Variants in ATP1A4 observed in about 807,000 individuals in gnomAD.
ATP1A4 encodes the protein ATPase Na+/K+ transporting subunit alpha 4, also known as sodium/potassium-transporting ATPase subunit alpha-4.
In ATP1A4, 90 loss-of-function variants were observed where a neutral mutation model predicts 114.3. The observed-to-expected ratio is 0.79, with a 90% CI of 0.66 to 0.94. The LOEUF (loss-of-function observed/expected upper bound fraction) is 0.94, where lower values mean the gene tolerates loss of function less well. Ranked by LOEUF, ATP1A4 falls within the 40% of genes least tolerant of loss-of-function variation. ATP1A4 has a pLI of 0.00. For missense variants in ATP1A4, 1,222 were observed against 1,313.6 expected, an observed-to-expected ratio of 0.93 and a Z score of 1.08; for synonymous variants, 511 against 494.1, an observed-to-expected ratio of 1.03 and a Z score of -0.45.
chr1:160,167,044 T>G lies in ATP1A4; in HGVS notation c.1323T>G (p.Phe441Leu), dbSNP rs374468591. The change falls in exon 9 of 22, where the codon TTT (phenylalanine) becomes TTG (leucine). Residue 441 changes from phenylalanine to leucine, a missense_variant. Transcript: ENST00000368081. ...CTGGCCTCTGCAACCGGGCTGACTT[T>G]AAGGCTAATCAGGAGATCCTGCCCA... ...RIAGLCNRAD[F>L]KANQEILPIA... The G allele has an allele frequency of 1.9e-6, 3 of 1,614,046 alleles. No individual in the cohort carries two copies. Among genetic ancestry groups the G allele is most frequent in the African/African-American group, 2.7e-5 (2 of 74,924 alleles).
At chr1:160,186,527 C>A in intron 21 of ATP1A4, 144 bp from the exon 22 acceptor site, 4 of 1,080,780 alleles carry the variant, frequency 3.7e-6, no homozygotes, top group Non-Finnish European at 5.5e-6. Context: ...CCCTTGGCTG[C>A]ACCCCTCTGC....
chr1:160,159,187 A>G (rs1652781717), intron 5 of ATP1A4, 51 bp downstream of exon 5: 1 of 1,591,554 alleles, frequency 6.3e-7, no homozygotes, highest in Admixed American at 1.7e-5. Context: ...ATCTCATGGC[A>G]GGGTAGACAC....
At chr1:160,174,010 G>A in intron 13 of ATP1A4, 101 bp from the exon 14 acceptor site, 1 of 1,408,852 alleles carries the variant, frequency 7.1e-7, no homozygotes, top group Non-Finnish European at 9.7e-7. Context: ...AGGAGACTAG[G>A]TTGAAAGAAG....
Position 160,151,834 on chromosome 1 carries a change from G to A in ATP1A4, c.-207G>A. 1.8e-6 allele frequency: 1 copy of A among 541,636 alleles called. No homozygotes were observed. The highest frequency in any genetic ancestry group is 3.2e-6 in the Non-Finnish European group (1 of 310,426). The allele number at this position is 541,636 out of a possible 1,614,324, so 33.6% of individuals were successfully genotyped here. A position where few individuals can be genotyped will look rare whatever the true frequency, so the allele number is the denominator to read the frequency against. On this transcript the variant is annotated 5_prime_UTR_variant, in exon 1 of 22. Transcript: ENST00000368081. ...CAGCGGACGGCTGGAGGACCGCTCA[G>A]TCTCTCCTCTCTCACTTCCCTTCCT...
In ATP1A4 at chr1:160,177,546, T is replaced by TTACC; in HGVS notation, c.2622_2625dup (p.Phe876LeufsTer7). 2 of 1,614,150 alleles carry TTACC rather than the reference T, an allele frequency of 1.2e-6. No homozygotes were observed. Among genetic ancestry groups the TTACC allele is most frequent in the Non-Finnish European group, 1.7e-6 (2 of 1,180,028 alleles). On this transcript the variant is annotated frameshift_variant, in exon 18 of 22. Coordinates refer to ENST00000368081, the MANE Select transcript of ATP1A4 (RefSeq NM_144699.4). LOFTEE classifies it high-confidence loss of function. Reference sequence around the variant, plus strand: ...ATGATCCAGGCTCTGGCTGGATTCTTTACCTACTTTGTAATCCTGGCTGAG... The same window carrying TTACC: ...ATGATCCAGGCTCTGGCTGGATTCTTTACCTACCTACTTTGTAATCCTGGCTGAG...
Position 160,156,078 on chromosome 1 carries a change from A to T in ATP1A4, c.445A>T (p.Ile149Phe). ...YLSIVLSVVVIVTGCFSYYQE... is the reference protein window; with the variant it reads ...YLSIVLSVVVFVTGCFSYYQE... ...GAGCATCGTACTGTCCGTCGTGGTCATCGTCACTGGCTGCTTCTCCTATTA... is the reference window on the plus strand; with the variant it reads ...GAGCATCGTACTGTCCGTCGTGGTCTTCGTCACTGGCTGCTTCTCCTATTA... The change falls in exon 4 of 22, where the codon ATC becomes TTC. Residue 149 changes from isoleucine (I) to phenylalanine (F), a missense_variant. By Grantham distance (21) the Ile-to-Phe change is conservative. Coordinates refer to ENST00000368081, the MANE Select transcript of ATP1A4 (RefSeq NM_144699.4). The T allele has an allele frequency of 6.2e-7, 1 of 1,614,012 alleles. No homozygotes were observed. Among genetic ancestry groups the T allele is most frequent in the Non-Finnish European group, 8.5e-7 (1 of 1,179,896 alleles).
chr1:160,176,141 C>T lies in ATP1A4; in HGVS notation c.2361C>T (p.Thr787=), dbSNP rs146078790. The T allele has an allele frequency of 1.2e-6, 2 of 1,613,982 alleles. No homozygotes were observed. The highest frequency in any genetic ancestry group is 2.7e-5 in the African/African-American group (2 of 74,878). ...AGAAATCCATCATGTACACCCTGAC[C>T]AGCAACATCCCCGAGATCACGCCCT... is the stretch of plus-strand genomic sequence containing the variant. ...NLKKSIMYTL[T]SNIPEITPFL... The change falls in exon 16 of 22, where the codon ACC becomes ACT. Residue 787 remains threonine, a synonymous_variant. Transcript: ENST00000368081.
At chr1:160,176,648 C>A (rs1186310454) in intron 17 of ATP1A4, 46 bp downstream of exon 17, 1 of 1,597,706 alleles carries the variant, frequency 6.3e-7, no homozygotes, top group Admixed American at 1.7e-5. Flanking sequence ...GAGTGGTTTC[C>A]CCTGCCTGGC....
rs753056674 is a variant in ATP1A4 at position 160,152,279 on chromosome 1, G to A, written c.147+92G>A. 2.2e-4 allele frequency: 310 copies of A among 1,398,796 alleles called. No homozygotes were observed. The Middle Eastern group carries it at 2.3e-3, about 10-fold the overall frequency. The allele number at this position is 1,398,796 out of a possible 1,614,324, so 86.6% of individuals were successfully genotyped here. ...TCTTACCTTGAGAATGAAACACACA[G>A]GCCAGAGCCACATCTCTTCTCTGTT... On this transcript the variant is annotated intron_variant, in intron 1 of 21. Coordinates refer to ENST00000368081, the MANE Select transcript of ATP1A4 (RefSeq NM_144699.4).
intron 3 of ATP1A4, among the ~76,000 whole-genome samples, chr1:160,155,665 T>C (rs1652626260): frequency 6.6e-6 from 1 of 152,182 alleles, no homozygotes; most frequent in African/African-American, 2.4e-5. Flanking sequence ...AAACTTGCTG[T>C]TCTTTGATGA....
chr1:160,186,448 G>A, intron 21 of ATP1A4, 81 bp downstream of exon 21: 1 of 1,204,712 alleles, frequency 8.3e-7, no homozygotes, highest in Non-Finnish European at 1.2e-6. Context: ...AGTCCCTCCA[G>A]ACCCACCACT....
At chr1:160,166,485 T>C (rs1372374390) in intron 7 of ATP1A4, 43 bp from the exon 8 acceptor site, 1 of 1,606,226 alleles carries the variant, frequency 6.2e-7, no homozygotes, top group Non-Finnish European at 8.5e-7. Context: ...GGTGTGAGTA[T>C]TCCATCTCCC....
chr1:160,168,272 G>C (rs908553413), intron 10 of ATP1A4, among the ~76,000 whole-genome samples: 1 of 151,924 alleles, frequency 6.6e-6, no homozygotes, highest in African/African-American at 2.4e-5. Context: ...TTTGCTCAGG[G>C]AAGTAGATTC....
At position 160,167,032 on chromosome 1, in the gene ATP1A4, C is replaced by T. The variant is rs765247928; in HGVS notation, c.1311C>T (p.Asn437=). The change falls in exon 9 of 22, where the codon AAC becomes AAT. Residue 437 remains asparagine (N), a synonymous_variant. Coordinates refer to ENST00000368081, the MANE Select transcript of ATP1A4 (RefSeq NM_144699.4). The part of the protein sequence containing the change: ...FMLARIAGLC[N]RADFKANQEI... ...TGGCCCGAATCGCTGGCCTCTGCAACCGGGCTGACTTTAAGGCTAATCAGG... is the reference window on the plus strand; with the variant it reads ...TGGCCCGAATCGCTGGCCTCTGCAATCGGGCTGACTTTAAGGCTAATCAGG... 3 of 1,614,182 alleles carry T rather than the reference C, an allele frequency of 1.9e-6. No homozygotes were observed. The East Asian group carries it at 6.7e-5, about 36-fold the overall frequency.
intron 21 of ATP1A4, 129 bp downstream of exon 21, chr1:160,186,496 C>T: frequency 9.4e-7 from 1 of 1,063,488 alleles, no homozygotes; most frequent in Non-Finnish European, 1.4e-6. Context: ...TTGACTGCGC[C>T]TGGAGCCGAG....
At chr1:160,176,275 T>A (rs1293907920) in intron 16 of ATP1A4, 29 bp downstream of exon 16, 1 of 1,612,608 alleles carries the variant, frequency 6.2e-7, no homozygotes, top group Non-Finnish European at 8.5e-7. Flanking sequence ...AGCAAGAGAT[T>A]CCCAGAATTC....
intron 18 of ATP1A4, among the ~76,000 whole-genome samples, chr1:160,178,918 T>G (rs1653582912): frequency 6.6e-6 from 1 of 152,234 alleles, no homozygotes; most frequent in Non-Finnish European, 1.5e-5. Flanking sequence ...ATGTGACATG[T>G]GACAGCAATT....
At chr1:160,182,656 C>T (rs977147297) in intron 20 of ATP1A4, 12 of 152,756 alleles carry the variant, frequency 7.9e-5, no homozygotes, top group African/African-American at 2.7e-4. Context: ...ATTCTTCCAA[C>T]ACATTTCTTT....
chr1:160,168,663 C>T (rs370526147), intron 10 of ATP1A4, among the ~76,000 whole-genome samples: 2 of 152,156 alleles, frequency 1.3e-5, no homozygotes, highest in Non-Finnish European at 2.9e-5. Flanking sequence ...GGATTACAGG[C>T]GTGAGCCACC....
Sources: gnomAD v4.1 joint callset for allele counts (sites outside exome capture counted in the v4.1 genomes callset) on GRCh38, gnomAD v4.1.1 for gene constraint, MANE v1.5 for transcripts, NCBI Gene and HGNC (gene_info 2026-07-23, HGNC 2026-07-21) for gene names.